The following CACNA2D4 variants were observed in gnomAD, a reference collection of about 807,000 sequenced individuals.
CACNA2D4 encodes the protein voltage-dependent calcium channel subunit alpha-2/delta-4.
CACNA2D4 carries 157 observed loss-of-function variants against 163.8 expected under a neutral mutation model. The observed-to-expected ratio is 0.96, with a 90% CI of 0.84 to 1.09. The LOEUF (loss-of-function observed/expected upper bound fraction) is 1.09. Among genes scored for constraint, CACNA2D4 ranks in the 50% least tolerant of loss-of-function variants. The pLI, the probability that CACNA2D4 is intolerant of heterozygous loss-of-function variation, is 0.00. For synonymous variants in CACNA2D4, 598 were observed against 586.9 expected (o/e 1.02, Z -0.27); for missense variants, 1,410 against 1,479.9 (o/e 0.95, Z 0.78).
rs779863389 is a variant in CACNA2D4 at position 1,884,326 on chromosome 12, C to T, written c.1273-5G>A. On this transcript the variant is annotated splice_region_variant and splice_polypyrimidine_tract_variant and intron_variant, in intron 11 of 37. Coordinates refer to ENST00000382722, the MANE Select transcript of CACNA2D4 (RefSeq NM_172364.5). Reference sequence around the variant, plus strand: ...GAGGTAAGTGAAAACTCGGACCTAACCCACAAGACACAGAGGCACTCAGCA... The same window carrying T: ...GAGGTAAGTGAAAACTCGGACCTAATCCACAAGACACAGAGGCACTCAGCA... 1 of 1,611,384 alleles carries T rather than the reference C, an allele frequency of 6.2e-7. No individual in the cohort carries two copies. The highest frequency in any genetic ancestry group is 1.1e-5 in the South Asian group (1 of 90,212).
intron 29 of CACNA2D4, among the ~76,000 whole-genome samples, chr12:1,804,239 C>T (rs116158899): frequency 7.5e-4 from 114 of 151,574 alleles, no homozygotes; most frequent in African/African-American, 2.5e-3. Context: ...AGCACCACAC[C>T]ATGTCCTGTT....
intron 13 of CACNA2D4, among the ~76,000 whole-genome samples, chr12:1,881,016 G>T (rs769897172): frequency 6.6e-6 from 1 of 152,150 alleles, no homozygotes; most frequent in Non-Finnish European, 1.5e-5. Flanking sequence ...TTGCAAGGGC[G>T]GACACCTGCC....
At position 1,817,932 on chromosome 12, in the gene CACNA2D4, C is replaced by T. The variant is rs375720594; in HGVS notation, c.2552-6209G>A. Among the ~76,000 whole-genome samples the T allele has an allele frequency of 1.0e-3, 153 of 151,424 alleles. 2 individuals carry two copies. Among genetic ancestry groups the T allele is most frequent in the African/African-American group, 3.2e-3 (129 of 40,934 alleles). ...CCGTCTGGGAAGTGAGGAGCGTCTC[C>T]GCCTGGCCGCCCATCGTCTGGGATG... On this transcript the variant is annotated intron_variant, in intron 26 of 37. Transcript: ENST00000382722.
chr12:1,915,726 G>A (rs1056850264), intron 1 of CACNA2D4, among the ~76,000 whole-genome samples: 1 of 152,240 alleles, frequency 6.6e-6, no homozygotes, highest in South Asian at 2.1e-4. Context: ...CCCCAGAAAT[G>A]CACCACAATC....
chr12:1,809,090 A>AC (rs1331748638), intron 29 of CACNA2D4, among the ~76,000 whole-genome samples: 2 of 152,178 alleles, frequency 1.3e-5, no homozygotes, highest in Non-Finnish European at 2.9e-5. Context: ...TTTAAACACT[A>AC]CCCCAAGGAG....
At position 1,828,825 on chromosome 12, in the gene CACNA2D4, G is replaced by A. The variant is rs930304873; in HGVS notation, c.2551+11914C>T. On this transcript the variant is annotated intron_variant, in intron 26 of 37. Coordinates refer to ENST00000382722, the MANE Select transcript of CACNA2D4 (RefSeq NM_172364.5). This position sits in a 1 kb window ranked among gnomAD's most constrained non-coding sequence, Gnocchi z 4.2. The stretch of plus-strand genomic sequence containing the variant: ...GCCGTCCATTTACCAAAAAGGGGAG[G>A]AAGCGTGAATGAAGGCAACACTTGG... Among the ~76,000 whole-genome samples the A allele has an allele frequency of 1.3e-5, 2 of 152,232 alleles. No homozygotes were observed. The highest frequency in any genetic ancestry group is 4.8e-5 in the African/African-American group (2 of 41,464).
chr12:1,875,412 C>A lies in CACNA2D4; in HGVS notation c.1720-75G>T. 1 of 937,730 alleles carries A rather than the reference C, an allele frequency of 1.1e-6. No homozygotes were observed. The highest frequency in any genetic ancestry group is 1.8e-6 in the Non-Finnish European group (1 of 568,052). The allele number at this position is 937,730 out of a possible 1,614,324, so 58.1% of individuals were successfully genotyped here. On this transcript the variant is annotated intron_variant, in intron 16 of 37. Transcript: ENST00000382722. The surrounding 1 kb of genome is among the most constrained non-coding windows in gnomAD (Gnocchi z 4.0). ...CTCAAGTTTATCTCTTCTACAAAGC[C>A]TTTCAGGTATATTCATAAAAGCAAA...
chr12:1,840,923 G>A (rs1865009091), intron 25 of CACNA2D4, 104 bp from the exon 26 acceptor site: 1 of 999,100 alleles, frequency 1.0e-6, no homozygotes, highest in Admixed American at 1.8e-5. Context: ...AGCAGGCGAA[G>A]GCATCCTTGG....
chr12:1,819,375 C>A (rs1864003878), intron 26 of CACNA2D4, among the ~76,000 whole-genome samples: 1 of 152,120 alleles, frequency 6.6e-6, no homozygotes, highest in Admixed American at 6.5e-5. Context: ...GGGGACCCGG[C>A]AGAACGGACA....
At chr12:1,825,893 GGC>G (rs1209534973) in intron 26 of CACNA2D4, among the ~76,000 whole-genome samples, 2 of 152,210 alleles carry the variant, frequency 1.3e-5, no homozygotes, top group Non-Finnish European at 2.9e-5. Flanking sequence ...TGCCTTGGGT[GGC>G]CGTGGACTGT....
intron 18 of CACNA2D4, among the ~76,000 whole-genome samples, chr12:1,861,761 A>T (rs1419112490): frequency 6.6e-6 from 1 of 151,894 alleles, no homozygotes; most frequent in Non-Finnish European, 1.5e-5. Context: ...TTTTTAATTG[A>T]AGGAAAGGGT....
intron 11 of CACNA2D4, 41 bp from the exon 12 acceptor site, chr12:1,884,362 C>G (rs747180709): frequency 1.9e-5 from 28 of 1,505,248 alleles, no homozygotes; most frequent in Non-Finnish European, 2.5e-5. Flanking sequence ...GCAAAATTCC[C>G]GGCCATAAGT....
chr12:1,897,609 C>G (rs911110412), intron 6 of CACNA2D4, among the ~76,000 whole-genome samples: 7 of 152,040 alleles, frequency 4.6e-5, no homozygotes, highest in Non-Finnish European at 1.0e-4. Context: ...AAGAGATTGC[C>G]AGTTTGGATA....
intron 19 of CACNA2D4, among the ~76,000 whole-genome samples, chr12:1,859,825 C>G (rs190590154): frequency 6.6e-6 from 1 of 152,260 alleles, no homozygotes; most frequent in Non-Finnish European, 1.5e-5. Flanking sequence ...GGCAGCTTGG[C>G]TGCTGGACGC....
rs1181456914 is a variant in CACNA2D4 at position 1,875,460 on chromosome 12, T to C, written c.1720-123A>G. The C allele has an allele frequency of 2.9e-6, 2 of 684,406 alleles. No individual in the cohort carries two copies. The highest frequency in any genetic ancestry group is 5.3e-6 in the Non-Finnish European group (2 of 374,414). 42.4% of individuals were successfully genotyped at this position (684,406 alleles called of 1,614,324 possible). On this transcript the variant is annotated intron_variant, in intron 16 of 37. Coordinates refer to ENST00000382722, the MANE Select transcript of CACNA2D4 (RefSeq NM_172364.5). The surrounding 1 kb of genome is among the most constrained non-coding windows in gnomAD (Gnocchi z 4.0). ...AAAGGATTCCTTAGAAATCAATCAA[T>C]CCAGTAATTACTTAAGGTTATCTGG...
At chr12:1,830,164 G>A (rs374041796) in intron 26 of CACNA2D4, among the ~76,000 whole-genome samples, 3 of 152,368 alleles carry the variant, frequency 2.0e-5, no homozygotes, top group African/African-American at 7.2e-5. Flanking sequence ...ATGGCTTTAG[G>A]GTGGGGGTTA....
Position 1,792,949 on chromosome 12 carries a change from G to C in CACNA2D4, c.*706C>G, listed in dbSNP as rs923676743. 5 of 152,188 alleles carry C rather than the reference G, an allele frequency of 3.3e-5. No homozygotes were observed. The highest frequency in any genetic ancestry group is 1.2e-4 in the African/African-American group (5 of 41,420). 9.4% of individuals were successfully genotyped at this position (152,188 alleles called of 1,614,324 possible). On this transcript the variant is annotated 3_prime_UTR_variant, in exon 38 of 38. Coordinates refer to ENST00000382722, the MANE Select transcript of CACNA2D4 (RefSeq NM_172364.5). ...GATGCAAACTTTCCTTTAGGGCTTT[G>C]TAAAGAAGTTTTGGGAAGTTCTTCA...
intron 24 of CACNA2D4, among the ~76,000 whole-genome samples, chr12:1,845,909 G>A (rs1865133921): frequency 6.6e-6 from 1 of 152,198 alleles, no homozygotes; most frequent in African/African-American, 2.4e-5. Context: ...CTCCCACAGT[G>A]TGACAACCAA....
chr12:1,817,830 G>A (rs1394150225), intron 26 of CACNA2D4, among the ~76,000 whole-genome samples: 13 of 151,956 alleles, frequency 8.6e-5, no homozygotes, highest in African/African-American at 2.2e-4. Context: ...ATCTCGGCTC[G>A]CTACAACCTC....
Sources: allele counts gnomAD v4.1 joint callset (sites outside exome capture counted in the v4.1 genomes callset), GRCh38; gene constraint gnomAD v4.1.1; non-coding constraint Gnocchi (gnomAD v3.1); transcripts MANE v1.5; gene names NCBI Gene and HGNC (gene_info 2026-07-23, HGNC 2026-07-21).